Variants in UBTD2 observed in about 807,000 individuals in gnomAD.
The protein encoded by UBTD2 is ubiquitin domain containing 2, also known as ubiquitin domain-containing protein 2.
Under a neutral mutation model 19.8 loss-of-function variants are expected in UBTD2, and 9 were observed. The observed-to-expected ratio is 0.46, with a 90% CI of 0.27 to 0.79. UBTD2 has a LOEUF of 0.79. Among genes scored for constraint, UBTD2 ranks in the 30% least tolerant of loss-of-function variants. The pLI, the probability that UBTD2 is intolerant of heterozygous loss-of-function variation, is 0.14. For synonymous variants in UBTD2, 98 were observed against 103.9 expected (o/e 0.94, Z 0.35); for missense variants, 250 against 300.4 (o/e 0.83, Z 1.24).
rs769709840 is a variant in UBTD2, at chr5:172,211,816, C to T, written c.*14G>A. The T allele has an allele frequency of 2.5e-6, 4 of 1,580,316 alleles. No individual in the cohort carries two copies. In the South Asian group the frequency reaches 4.6e-5, roughly 18 times the overall value. On this transcript the variant is annotated 3_prime_UTR_variant, in exon 3 of 3. Transcript: ENST00000393792. Reference sequence around the variant, plus strand: ...GGAGCAGAGGGATGTGGGAGCTGGCCAACAGGGCTCAGTTCAGTTCTCCAC... The same window carrying T: ...GGAGCAGAGGGATGTGGGAGCTGGCTAACAGGGCTCAGTTCAGTTCTCCAC...
At chr5:172,226,512 G>A (rs184134245) in intron 2 of UBTD2, among the ~76,000 whole-genome samples, 129 of 152,288 alleles carry the variant, frequency 8.5e-4, no homozygotes, top group Non-Finnish European at 1.4e-3. Flanking sequence ...AATGTTGGCT[G>A]TCTTCTCTCA....
At chr5:172,248,631 G>A (rs975425927) in intron 1 of UBTD2, among the ~76,000 whole-genome samples, 3 of 151,116 alleles carry the variant, frequency 2.0e-5, no homozygotes, top group Admixed American at 6.6e-5. Flanking sequence ...GCCTGATAAC[G>A]CTTGCCTGTA....
At chr5:172,222,717 G>A (rs1771677263) in intron 2 of UBTD2, among the ~76,000 whole-genome samples, 1 of 152,134 alleles carries the variant, frequency 6.6e-6, no homozygotes, top group Non-Finnish European at 1.5e-5. Flanking sequence ...TAATTACAAG[G>A]TAAATAGAGA....
chr5:172,281,984 G>C (rs1383543975), intron 1 of UBTD2, among the ~76,000 whole-genome samples: 2 of 152,120 alleles, frequency 1.3e-5, no homozygotes, highest in East Asian at 3.8e-4. Context: ...GCTTTTTAAA[G>C]CCCATATTAA....
intron 2 of UBTD2, among the ~76,000 whole-genome samples, chr5:172,213,780 CTTTT>C (rs112049461): frequency 6.0e-5 from 9 of 150,276 alleles, no homozygotes; most frequent in Non-Finnish European, 1.3e-4. Context: ...GAAAGCATAC[CTTTT>C]TTTTTTCTTT....
chr5:172,249,528 C>T (rs886073448), intron 1 of UBTD2, among the ~76,000 whole-genome samples: 1 of 151,432 alleles, frequency 6.6e-6, no homozygotes, highest in African/African-American at 2.4e-5. Context: ...CAGACAAAGA[C>T]ACCGCAAGAA....
chr5:172,216,066 C>T (rs1052555000), intron 2 of UBTD2, among the ~76,000 whole-genome samples: 1 of 152,096 alleles, frequency 6.6e-6, no homozygotes, highest in Non-Finnish European at 1.5e-5. Flanking sequence ...ACTCAGGAGG[C>T]TGAGTCAGGA....
intron 2 of UBTD2, among the ~76,000 whole-genome samples, chr5:172,220,031 C>CAAGGA (rs1771620372): frequency 7.9e-6 from 1 of 126,966 alleles, no homozygotes; most frequent in African/African-American, 3.0e-5. Flanking sequence ...CCAAACATTA[C>CAAGGA]AAGCAAACTA....
intron 1 of UBTD2, among the ~76,000 whole-genome samples, chr5:172,249,985 C>G (rs12514152): frequency 0.4 from 60,442 of 152,022 alleles, 12,213 homozygotes; most frequent in South Asian, 0.54. Context: ...AAGATTAGGA[C>G]GCCAAGGTGG....
At chr5:172,242,581 T>C (rs921439766) in intron 1 of UBTD2, among the ~76,000 whole-genome samples, 5 of 152,190 alleles carry the variant, frequency 3.3e-5, no homozygotes, top group Non-Finnish European at 7.4e-5. Context: ...GTAAAACATT[T>C]TGAGTAAGAA....
chr5:172,283,839 G>A, upstream of UBTD2: 2 of 245,140 alleles, frequency 8.2e-6, no homozygotes, highest in Non-Finnish European at 1.4e-5. This position sits in a 1 kb window ranked among gnomAD's most constrained non-coding sequence, Gnocchi z 4.3. Context: ...CCTTGGCTCG[G>A]CCCCTTCCTC....
At chr5:172,280,178 T>C (rs187384440) in intron 1 of UBTD2, among the ~76,000 whole-genome samples, 1 of 151,346 alleles carries the variant, frequency 6.6e-6, no homozygotes, top group East Asian at 1.9e-4. Flanking sequence ...CTTACATAAC[T>C]TCTATGACAT....
chr5:172,253,748 G>A (rs890878298), intron 1 of UBTD2, among the ~76,000 whole-genome samples: 3 of 151,018 alleles, frequency 2.0e-5, no homozygotes, highest in East Asian at 3.9e-4. Flanking sequence ...CACTGTGCAC[G>A]GCCCCAACCC....
rs927306214 is a variant in UBTD2, at chr5:172,211,754, G to A, written c.*76C>T. On this transcript the variant is annotated 3_prime_UTR_variant, in exon 3 of 3. Coordinates refer to ENST00000393792, the MANE Select transcript of UBTD2 (RefSeq NM_152277.3). ...TTTAGAGCAGTGAAATAGATTTCAC[G>A]CCGCAGAGTAGGAAATGACAACAAG... 25 of 1,435,174 alleles carry A rather than the reference G, an allele frequency of 1.7e-5. No homozygotes were observed. The highest frequency in any genetic ancestry group is 2.3e-5 in the East Asian group (1 of 43,206). 88.9% of individuals were successfully genotyped at this position (1,435,174 alleles called of 1,614,324 possible).
intron 1 of UBTD2, among the ~76,000 whole-genome samples, chr5:172,263,591 G>A (rs912999598): frequency 6.6e-6 from 1 of 152,086 alleles, no homozygotes; most frequent in East Asian, 1.9e-4. Flanking sequence ...TCAGGAGATC[G>A]AGACCATCCC....
At chr5:172,275,831 A>AT (rs1219229719) in intron 1 of UBTD2, among the ~76,000 whole-genome samples, 1 of 152,126 alleles carries the variant, frequency 6.6e-6, no homozygotes, top group East Asian at 1.9e-4. Flanking sequence ...CTTTTCCCAG[A>AT]TATCTTTCTT....
chr5:172,213,390 T>C (rs577098080), intron 2 of UBTD2, among the ~76,000 whole-genome samples: 21 of 152,224 alleles, frequency 1.4e-4, no homozygotes, highest in Middle Eastern at 3.2e-3. Context: ...ACAGATTCAT[T>C]GCTTATCTAT....
chr5:172,225,297 A>G (rs1771743576), intron 2 of UBTD2, among the ~76,000 whole-genome samples: 1 of 152,144 alleles, frequency 6.6e-6, no homozygotes, highest in Non-Finnish European at 1.5e-5. Flanking sequence ...TTTTATCTAG[A>G]TGATTGGCTC....
intron 1 of UBTD2, among the ~76,000 whole-genome samples, chr5:172,246,130 G>A (rs1236326653): frequency 4.6e-5 from 7 of 152,198 alleles, no homozygotes; most frequent in Non-Finnish European, 5.9e-5. Context: ...TCCATGGTGG[G>A]GTGGGAGAGG....
Sources: gnomAD v4.1 joint callset for allele counts (sites outside exome capture counted in the v4.1 genomes callset) on GRCh38, gnomAD v4.1.1 for gene constraint, Gnocchi (gnomAD v3.1) non-coding constraint, MANE v1.5 for transcripts, NCBI Gene and HGNC (gene_info 2026-07-23, HGNC 2026-07-21) for gene names.